The following GPHN variants were observed in gnomAD, a reference collection of about 807,000 sequenced individuals.
GPHN encodes the protein gephyrin.
Under a neutral mutation model 95.5 loss-of-function variants are expected in GPHN, and 17 were observed. The ratio of observed to expected loss-of-function variants is 0.18; its 90% CI spans 0.12 to 0.27. The LOEUF is 0.27. GPHN is among the 10% of genes least tolerant of loss of function. The pLI is 1.00. For missense variants in GPHN, 660 were observed against 978.1 expected (o/e 0.67, Z 4.34); for synonymous variants, 320 against 322.5 (o/e 0.99, Z 0.08).
the GPHN span, among the ~76,000 whole-genome samples, chr14:67,201,950 T>C: frequency 6.6e-6 from 1 of 152,304 alleles, no homozygotes; most frequent in Non-Finnish European, 1.5e-5. Context: ...AGGGTTTTTA[T>C]ACATGCTGTT....
At chr14:66,530,657 T>C (rs959363301) in intron 1 of GPHN, among the ~76,000 whole-genome samples, 25 of 152,306 alleles carry the variant, frequency 1.6e-4, no homozygotes, top group Admixed American at 1.6e-3. Flanking sequence ...CTACTGAGCC[T>C]GAGTGCACAG....
chr14:67,221,879 G>C, the GPHN span: 2 of 1,577,418 alleles, frequency 1.3e-6, no homozygotes, highest in East Asian at 2.3e-5. Flanking sequence ...GTTCCTAGAA[G>C]AGTAGTGTGG....
intron 9 of GPHN, among the ~76,000 whole-genome samples, chr14:66,989,589 C>T (rs1294949006): frequency 6.7e-6 from 1 of 150,240 alleles, no homozygotes; most frequent in Admixed American, 6.6e-5. Flanking sequence ...GTTCTGATTA[C>T]CTTGTTTCTA....
the GPHN span, among the ~76,000 whole-genome samples, chr14:67,240,335 C>G: frequency 6.6e-6 from 1 of 152,110 alleles, no homozygotes; most frequent in Non-Finnish European, 1.5e-5. Flanking sequence ...TGTGAAAGAG[C>G]TTGAAAATCA....
the GPHN span, among the ~76,000 whole-genome samples, chr14:67,590,427 C>T: frequency 1.4e-4 from 22 of 152,116 alleles, no homozygotes; most frequent in African/African-American, 2.2e-4. Context: ...GGCACAATCT[C>T]GGCTCACTGA....
At chr14:67,102,590 G>T (rs1363156007) in intron 13 of GPHN, among the ~76,000 whole-genome samples, 1 of 152,038 alleles carries the variant, frequency 6.6e-6, no homozygotes, top group African/African-American at 2.4e-5. Context: ...AACCTGGGAG[G>T]CAGAGGTTGC....
chr14:66,615,335 A>C (rs1345403023), intron 1 of GPHN, among the ~76,000 whole-genome samples: 1 of 152,170 alleles, frequency 6.6e-6, no homozygotes, highest in Non-Finnish European at 1.5e-5. Context: ...CCAGCAGAGT[A>C]AAAGCGTTCC....
At chr14:66,899,782 A>G (rs1418374077) in intron 5 of GPHN, among the ~76,000 whole-genome samples, 2 of 151,794 alleles carry the variant, frequency 1.3e-5, no homozygotes, top group African/African-American at 4.8e-5. Flanking sequence ...GGCTTCATAA[A>G]ATGAGTTGTG....
At chr14:67,157,086 A>G (rs184889421) in intron 18 of GPHN, among the ~76,000 whole-genome samples, 6 of 152,270 alleles carry the variant, frequency 3.9e-5, no homozygotes, top group Admixed American at 2.0e-4. Flanking sequence ...TATAAGAGAC[A>G]CATCTTAAAT....
At chr14:67,602,404 G>C in the GPHN span, among the ~76,000 whole-genome samples, 2,254 of 152,272 alleles carry the variant, frequency 0.015, 63 homozygotes, top group African/African-American at 0.052. Flanking sequence ...ATTTGGGTAG[G>C]CACAGAGAGC....
At chr14:67,541,905 A>C in the GPHN span, 4 of 1,604,348 alleles carry the variant, frequency 2.5e-6, no homozygotes, top group Admixed American at 6.8e-5. Context: ...GCCAGCGTAG[A>C]CTGGCAGAAA....
intron 1 of GPHN, among the ~76,000 whole-genome samples, chr14:66,509,977 A>G (rs944579936): frequency 1.3e-5 from 2 of 152,142 alleles, no homozygotes; most frequent in Non-Finnish European, 2.9e-5. Flanking sequence ...TTTCCCTGGT[A>G]TTCTTTCCGT....
chr14:66,957,384 T>A (rs1596505908), intron 8 of GPHN, among the ~76,000 whole-genome samples: 1 of 151,670 alleles, frequency 6.6e-6, no homozygotes, highest in African/African-American at 2.4e-5. Flanking sequence ...TTAGTAGAGA[T>A]GGGGTTTTGC....
the GPHN span, among the ~76,000 whole-genome samples, chr14:67,298,383 C>T: frequency 2.6e-5 from 4 of 151,770 alleles, no homozygotes; most frequent in Admixed American, 6.6e-5. Flanking sequence ...GGTGTGGTGG[C>T]GGGCACCTGT....
chr14:66,597,656 A>AGCTGCACCCAGGAGGGTAGGGCT (rs2062039948), intron 1 of GPHN, among the ~76,000 whole-genome samples: 1 of 152,166 alleles, frequency 6.6e-6, no homozygotes, highest in Non-Finnish European at 1.5e-5. Context: ...GGGTGGCTGC[A>AGCTGCACCCAGGAGGGTAGGGCT]GCTGCACCCA....
intron 5 of GPHN, among the ~76,000 whole-genome samples, chr14:66,894,475 C>G (rs1400047800): frequency 6.6e-6 from 1 of 152,156 alleles, no homozygotes; most frequent in South Asian, 2.1e-4. Flanking sequence ...GTCTAAAACA[C>G]CAAAAGCAAT....
At chr14:67,424,971 T>G in the GPHN span, among the ~76,000 whole-genome samples, 2 of 152,212 alleles carry the variant, frequency 1.3e-5, no homozygotes, top group African/African-American at 4.8e-5. Flanking sequence ...TTAATTCTTC[T>G]CAGTCCCCTT....
At chr14:67,710,313 G>A in the GPHN span, among the ~76,000 whole-genome samples, 20,381 of 152,126 alleles carry the variant, frequency 0.13, 1,403 homozygotes, top group East Asian at 0.21. Context: ...CACAGATGTA[G>A]TAACCTTAAT....
rs1393595068 is a variant in GPHN at position 66,657,158 on chromosome 14, C to T, written c.65-23949C>T. Among the ~76,000 whole-genome samples, 3 of 152,192 alleles carry T rather than the reference C, an allele frequency of 2.0e-5. No individual in the cohort carries two copies. In the East Asian group the frequency reaches 5.8e-4, roughly 29 times the overall value. ...TAAAGAGATAATTTTAGCAGTCTGG[C>T]TAGATTGGACTAGCCACAAAATTTT... On this transcript the variant is annotated intron_variant, in intron 1 of 22. Coordinates refer to ENST00000478722, the MANE Select transcript of GPHN (RefSeq NM_020806.5).
Sources: gnomAD v4.1 joint callset for allele counts (sites outside exome capture counted in the v4.1 genomes callset) on GRCh38, gnomAD v4.1.1 for gene constraint, MANE v1.5 for transcripts, NCBI Gene and HGNC (gene_info 2026-07-23, HGNC 2026-07-21) for gene names.